Variants in FUT9 observed in about 807,000 individuals in gnomAD.
FUT9 encodes the protein fucosyltransferase 9.
A neutral mutation model predicts 29.7 loss-of-function variants in FUT9; 15 were observed. That is an observed-to-expected ratio of 0.51 (90% CI 0.34 to 0.78). The LOEUF (loss-of-function observed/expected upper bound fraction) is 0.78, where lower values mean the gene tolerates loss of function less well. Among genes scored for constraint, FUT9 ranks in the 30% least tolerant of loss-of-function variants. The pLI, the probability that FUT9 is intolerant of heterozygous loss-of-function variation, is 0.01. For synonymous variants in FUT9, 169 were observed against 153.7 expected, an observed-to-expected ratio of 1.10 and a Z score of -0.74; for missense variants, 319 against 425.4, an observed-to-expected ratio of 0.75 and a Z score of 2.20.
chr6:96,159,186 AT>A (rs1175466136), intron 2 of FUT9, among the ~76,000 whole-genome samples: 3 of 152,184 alleles, frequency 2.0e-5, no homozygotes, highest in African/African-American at 7.2e-5. Flanking sequence ...TATTCCTTTC[AT>A]TTGCATCATA....
chr6:96,187,403 C>T (rs1271805380), intron 2 of FUT9, among the ~76,000 whole-genome samples: 1 of 152,098 alleles, frequency 6.6e-6, no homozygotes, highest in Admixed American at 6.6e-5. Context: ...CCCACACATC[C>T]AATAGGGAGG....
At chr6:96,167,260 A>T (rs1056377407) in intron 2 of FUT9, among the ~76,000 whole-genome samples, 5 of 152,216 alleles carry the variant, frequency 3.3e-5, no homozygotes, top group African/African-American at 1.2e-4. Flanking sequence ...TTGAAAATTG[A>T]AAATAATAAT....
chr6:96,086,555 C>A (rs1225622295), intron 1 of FUT9, among the ~76,000 whole-genome samples: 1 of 152,046 alleles, frequency 6.6e-6, no homozygotes, highest in Non-Finnish European at 1.5e-5. Context: ...CTGTATTTTC[C>A]TTCTTAAAGT....
intron 1 of FUT9, among the ~76,000 whole-genome samples, chr6:96,079,327 C>T (rs1204085469): frequency 6.6e-6 from 1 of 152,140 alleles, no homozygotes; most frequent in Non-Finnish European, 1.5e-5. Context: ...TTGTCACTCT[C>T]CCTCTCTCTA....
In FUT9 at chr6:96,213,944, C is replaced by G. The variant is rs1773986647; in HGVS notation, c.*9709C>G. The stretch of plus-strand genomic sequence containing the variant: ...AATCATGCAGCTTTGGGGACATTTA[C>G]ACTGCCACTCACACACAGGCTCTGT... On this transcript the variant is annotated 3_prime_UTR_variant, in exon 3 of 3. Coordinates refer to ENST00000302103, the MANE Select transcript of FUT9 (RefSeq NM_006581.4). 6.0e-6 allele frequency: 1 copy of G among 167,022 alleles called. No homozygotes were observed. Among genetic ancestry groups the G allele is most frequent in the Middle Eastern group, 3.4e-3 (1 of 296 alleles). 10.3% of individuals were successfully genotyped at this position (167,022 alleles called of 1,614,324 possible).
At chr6:96,016,789 A>T (rs1769987892) in intron 1 of FUT9, among the ~76,000 whole-genome samples, 5 of 152,138 alleles carry the variant, frequency 3.3e-5, no homozygotes, top group Admixed American at 3.3e-4. Flanking sequence ...ACCTCAGGAA[A>T]TTGACACAGA....
In FUT9 at chr6:96,104,249, C is replaced by T. The variant is rs532968550; in HGVS notation, c.-97-9790C>T. Among the ~76,000 whole-genome samples the T allele has an allele frequency of 2.0e-4, 31 of 152,142 alleles. 1 individual carries two copies. In the South Asian group the frequency reaches 2.7e-3, roughly 13 times the overall value. ...CCCATTTGCCAGAGTAGATCAGCTA[C>T]GAAATGAAAAGGATACTTAAGCAGA... On this transcript the variant is annotated intron_variant, in intron 1 of 2. Coordinates refer to ENST00000302103, the MANE Select transcript of FUT9 (RefSeq NM_006581.4).
chr6:96,179,917 T>G (rs1773274933), intron 2 of FUT9, among the ~76,000 whole-genome samples: 1 of 152,082 alleles, frequency 6.6e-6, no homozygotes, highest in African/African-American at 2.4e-5. Flanking sequence ...CAAAATCAAG[T>G]TAAAATGGAG....
At chr6:96,201,330 T>C (rs1178623158) in intron 2 of FUT9, among the ~76,000 whole-genome samples, 2 of 152,014 alleles carry the variant, frequency 1.3e-5, no homozygotes, top group Non-Finnish European at 2.9e-5. Context: ...TTTTTATCTA[T>C]GCTAAATCAA....
chr6:96,214,782 C>T lies in FUT9; in HGVS notation c.*10547C>T, dbSNP rs1429829747. On this transcript the variant is annotated 3_prime_UTR_variant, in exon 3 of 3. Transcript: ENST00000302103. ...CATTTACACTGTTGGAAGGTAATTT[C>T]ATTGCTATGTTATTAAAATGATGGG... 6.0e-6 allele frequency: 1 copy of T among 166,846 alleles called. No homozygotes were observed. The highest frequency in any genetic ancestry group is 1.5e-5 in the Non-Finnish European group (1 of 68,040). 10.3% of individuals were successfully genotyped at this position (166,846 alleles called of 1,614,324 possible).
Position 96,066,391 on chromosome 6 carries a change from C to T in FUT9, c.-97-47648C>T, listed in dbSNP as rs1770962370. 2.0e-5 allele frequency among the ~76,000 whole-genome samples: 3 copies of T among 151,908 alleles called. No individual in the cohort carries two copies. In the South Asian group the frequency reaches 6.2e-4, roughly 32 times the overall value. On this transcript the variant is annotated intron_variant, in intron 1 of 2. Coordinates refer to ENST00000302103, the MANE Select transcript of FUT9 (RefSeq NM_006581.4). ...ATAATCAGAATTATTTTATTATAAG[C>T]ATTATGATTCTAACAAGTATACTGA... is the stretch of plus-strand genomic sequence containing the variant.
intron 1 of FUT9, among the ~76,000 whole-genome samples, chr6:96,039,402 C>T (rs1480764070): frequency 1.3e-5 from 2 of 152,100 alleles, no homozygotes; most frequent in Middle Eastern, 3.2e-3. Flanking sequence ...TCTCCATTAG[C>T]TCCTCACCAA....
intron 1 of FUT9, among the ~76,000 whole-genome samples, chr6:96,042,705 T>A (rs370813414): frequency 4.6e-5 from 7 of 152,158 alleles, no homozygotes; most frequent in East Asian, 1.9e-4. Flanking sequence ...CCTTTTTTGG[T>A]CTTGTATTAG....
chr6:96,039,520 G>GT (rs992363195), intron 1 of FUT9, among the ~76,000 whole-genome samples: 1 of 152,062 alleles, frequency 6.6e-6, no homozygotes, highest in African/African-American at 2.4e-5. Context: ...AACTTGGCAA[G>GT]TTTTTTCCCA....
chr6:96,083,809 G>A (rs910496773), intron 1 of FUT9, among the ~76,000 whole-genome samples: 5 of 151,996 alleles, frequency 3.3e-5, no homozygotes, highest in African/African-American at 4.8e-5. Context: ...TACTGCGTTC[G>A]ATATAATAGC....
intron 2 of FUT9, among the ~76,000 whole-genome samples, chr6:96,192,880 GC>G (rs1773539786): frequency 6.6e-6 from 1 of 151,796 alleles, no homozygotes; most frequent in African/African-American, 2.4e-5. Flanking sequence ...ATAGAACAGA[GC>G]CCTCCGAAAT....
At chr6:96,059,751 T>C (rs1463728121) in intron 1 of FUT9, among the ~76,000 whole-genome samples, 1 of 152,176 alleles carries the variant, frequency 6.6e-6, no homozygotes, top group Admixed American at 6.5e-5. Context: ...TAATATCTAC[T>C]CTGTACAGAA....
rs1198860155 is a variant in FUT9 at position 96,213,073 on chromosome 6, T to G, written c.*8838T>G. 6.0e-6 allele frequency: 1 copy of G among 166,940 alleles called. No individual in the cohort carries two copies. Among genetic ancestry groups the G allele is most frequent in the Non-Finnish European group, 1.5e-5 (1 of 68,010 alleles). The allele number at this position is 166,940 out of a possible 1,614,324, so 10.3% of individuals were successfully genotyped here. A position where few individuals can be genotyped will look rare whatever the true frequency, so the allele number is the denominator to read the frequency against. On this transcript the variant is annotated 3_prime_UTR_variant, in exon 3 of 3. Transcript: ENST00000302103. Reference sequence around the variant, plus strand: ...AATTAGCCTGGCACAGTGCACAAACTGCCATATATTCGTGCAGATGTTTTC... The same window carrying G: ...AATTAGCCTGGCACAGTGCACAAACGGCCATATATTCGTGCAGATGTTTTC...
chr6:96,176,918 C>T (rs981019789), intron 2 of FUT9, among the ~76,000 whole-genome samples: 1 of 152,162 alleles, frequency 6.6e-6, no homozygotes, highest in Non-Finnish European at 1.5e-5. Context: ...ACAGCTACTT[C>T]ATCACATTAT....
Sources: allele counts gnomAD v4.1 joint callset (sites outside exome capture counted in the v4.1 genomes callset), GRCh38; gene constraint gnomAD v4.1.1; transcripts MANE v1.5; gene names NCBI Gene and HGNC (gene_info 2026-07-23, HGNC 2026-07-21).